SRSF2: variants seen among roughly 807,000 people sequenced by gnomAD.
SRSF2 encodes the protein serine and arginine rich splicing factor 2, also known as serine/arginine-rich splicing factor 2.
A neutral mutation model predicts 15.7 loss-of-function variants in SRSF2; 4 were observed. The ratio of observed to expected loss-of-function variants is 0.26; its 90% CI spans 0.13 to 0.58. The LOEUF (loss-of-function observed/expected upper bound fraction) is 0.58, where lower values mean the gene tolerates loss of function less well. Among genes scored for constraint, SRSF2 ranks in the 20% least tolerant of loss-of-function variants. The pLI is 0.90. For missense variants in SRSF2, 147 were observed against 332.4 expected (o/e 0.44, Z 4.34); for synonymous variants, 192 against 138.9 (o/e 1.38, Z -2.69).
At chr17:76,736,572 TC>T in intron 1 of SRSF2, 108 bp from the exon 2 acceptor site, 1 of 1,323,114 alleles carries the variant, frequency 7.6e-7, no homozygotes, top group Non-Finnish European at 1.0e-6. Context: ...AGACGCCATT[TC>T]CCCAGTCGCG....
rs746200268 is a variant in SRSF2, at chr17:76,736,172, C to A, written c.655G>T (p.Val219Leu). 1 of 1,607,102 alleles carries A rather than the reference C, an allele frequency of 6.2e-7. No individual in the cohort carries two copies. The highest frequency in any genetic ancestry group is 1.3e-5 in the African/African-American group (1 of 74,656). Residue 219 changes from valine (V) to leucine (L), a missense_variant, in exon 2 of 3, where the codon GTG (valine) becomes TTG (leucine). Transcript: ENST00000359995. ...ACATTACCATTTTCTTAAGAGGACA[C>A]CGCTCCTTCCTCTTCAGGAGACTTG... The part of the protein sequence containing the change: ...PPKSPEEEGA[V>L]SS
In SRSF2 at chr17:76,736,347, G is replaced by C. The variant is rs369705230; in HGVS notation, c.480C>G (p.Thr160=). 1.2e-6 allele frequency: 2 copies of C among 1,614,134 alleles called. No individual in the cohort carries two copies. Among genetic ancestry groups the C allele is most frequent in the East Asian group, 2.2e-5 (1 of 44,880 alleles). Residue 160 remains threonine, a synonymous_variant, in exon 2 of 3, where the codon ACC becomes ACG. Coordinates refer to ENST00000359995, the MANE Select transcript of SRSF2 (RefSeq NM_001195427.2). The part of the protein sequence containing the change: ...RSRTRSRSRS[T]SKSRSARRSK... ...ACCTTCGTGCGGATCTGGACTTGGA[G>C]GTCGACCGAGATCGAGAACGAGTGC...
In SRSF2 at chr17:76,736,972, G is replaced by C. The variant is rs1176463751; in HGVS notation, c.189C>G (p.His63Gln). Reference protein sequence around the residue: ...ESRGFAFVRFHDKRDAEDAMD... With the variant: ...ESRGFAFVRFQDKRDAEDAMD... ...TAGCGTCCTCAGCGTCGCGCTTGTC[G>C]TGAAAGCGAACGAAGGCGAAGCCGC... The change falls in exon 1 of 3, where the codon CAC becomes CAG. Residue 63 changes from histidine to glutamine, a missense_variant. This residue lies in a region of SRSF2 where 22 missense variants were observed against 147.3 expected (regional missense o/e 0.15). Transcript: ENST00000359995. 1 of 1,613,424 alleles carries C rather than the reference G, an allele frequency of 6.2e-7. No individual in the cohort carries two copies. The highest frequency in any genetic ancestry group is 1.3e-5 in the African/African-American group (1 of 74,924).
At chr17:76,736,692 G>C in intron 1 of SRSF2, 107 bp downstream of exon 1, 2 of 1,289,726 alleles carry the variant, frequency 1.6e-6, no homozygotes, top group Non-Finnish European at 2.0e-6. Flanking sequence ...GTGCACCCCC[G>C]CCCCGTCCGG....
At chr17:76,735,303 A>G in intron 2 of SRSF2, 145 bp from the exon 3 acceptor site, 1 of 216,174 alleles carries the variant, frequency 4.6e-6, no homozygotes, top group Non-Finnish European at 9.4e-6. Flanking sequence ...AGGCCCAATT[A>G]GGAAAATTTC....
chr17:76,737,227 G>A lies in SRSF2; in HGVS notation c.-67C>T, dbSNP rs747137211. ...CTTCCTCAGCTCTGGGCGGTGCGAC[G>A]CCGCGCCTCTCAGGCAGTTGCCTTC... On this transcript the variant is annotated 5_prime_UTR_variant, in exon 1 of 3. Transcript: ENST00000359995. 3.4e-5 allele frequency: 50 copies of A among 1,465,940 alleles called. 1 individual carries two copies. The African/African-American group carries it at 5.7e-4, about 17-fold the overall frequency. The allele number at this position is 1,465,940 out of a possible 1,614,324, so 90.8% of individuals were successfully genotyped here. A position where few individuals can be genotyped will look rare whatever the true frequency, so the allele number is the denominator to read the frequency against.
At chr17:76,736,693 CCCCGTCCGGG>C in intron 1 of SRSF2, 96 bp downstream of exon 1, 1 of 1,294,672 alleles carries the variant, frequency 7.7e-7, no homozygotes, top group Non-Finnish European at 9.9e-7. Context: ...TGCACCCCCG[CCCCGTCCGGG>C]CCCGCACCAC....
At chr17:76,736,599 C>G in intron 1 of SRSF2, 135 bp from the exon 2 acceptor site, 1 of 1,187,270 alleles carries the variant, frequency 8.4e-7, no homozygotes, top group South Asian at 1.7e-5. Flanking sequence ...GGGTCCTCCG[C>G]CCCGCGCCGC....
chr17:76,735,826 T>C, intron 2 of SRSF2: 1 of 493,192 alleles, frequency 2.0e-6, no homozygotes, highest in Non-Finnish European at 3.8e-6. Context: ...CCAAATCAGT[T>C]AAAATCTGCA....
Position 76,734,764 on chromosome 17 carries a change from G to A in SRSF2, c.*402C>T, listed in dbSNP as rs1311784492. The A allele has an allele frequency of 1.3e-5, 3 of 237,630 alleles. No homozygotes were observed. The highest frequency in any genetic ancestry group is 5.7e-5 in the Admixed American group (1 of 17,402). 14.7% of individuals were successfully genotyped at this position (237,630 alleles called of 1,614,324 possible). A position where few individuals can be genotyped will look rare whatever the true frequency, so the allele number is the denominator to read the frequency against. On this transcript the variant is annotated 3_prime_UTR_variant, in exon 3 of 3. Coordinates refer to ENST00000359995, the MANE Select transcript of SRSF2 (RefSeq NM_001195427.2). ...TTTTAAGGAATGAAGGCAATGCTGAGTCAATCTCTTGACAGCTTTAGGCTG... is the reference window on the plus strand; with the variant it reads ...TTTTAAGGAATGAAGGCAATGCTGAATCAATCTCTTGACAGCTTTAGGCTG...
rs2077564269 is a variant in SRSF2 at position 76,737,318 on chromosome 17, C to T, written c.-158G>A. The T allele has an allele frequency of 1.3e-5, 14 of 1,065,350 alleles. No homozygotes were observed. The highest frequency in any genetic ancestry group is 6.3e-4 in the Middle Eastern group (2 of 3,160). The allele number at this position is 1,065,350 out of a possible 1,614,324, so 66.0% of individuals were successfully genotyped here. On this transcript the variant is annotated 5_prime_UTR_variant, in exon 1 of 3. The change creates a new upstream start codon in the 5' untranslated region. Transcript: ENST00000359995. ...CGGACGGGCTCCGCAGGCTAGCGCA[C>T]CTGAGTAACAACTGGGCGGGCAGCC... is the stretch of plus-strand genomic sequence containing the variant.
In SRSF2 at chr17:76,734,976, G is replaced by C. The variant is rs1650979150; in HGVS notation, c.*190C>G. 4.4e-6 allele frequency: 1 copy of C among 224,828 alleles called. No individual in the cohort carries two copies. The highest frequency in any genetic ancestry group is 5.7e-5 in the Admixed American group (1 of 17,442). The allele number at this position is 224,828 out of a possible 1,614,324, so 13.9% of individuals were successfully genotyped here. Reference sequence around the variant, plus strand: ...TAAATTACAAGAAATTTGAATAACAGCAACAAAATGGCACATAAAATGAAG... The same window carrying C: ...TAAATTACAAGAAATTTGAATAACACCAACAAAATGGCACATAAAATGAAG... On this transcript the variant is annotated 3_prime_UTR_variant, in exon 3 of 3. Coordinates refer to ENST00000359995, the MANE Select transcript of SRSF2 (RefSeq NM_001195427.2).
chr17:76,735,232 T>TA (rs1450417802), intron 2 of SRSF2, 74 bp from the exon 3 acceptor site: 1 of 218,182 alleles, frequency 4.6e-6, no homozygotes, highest in Non-Finnish European at 9.2e-6. Context: ...GGCACGTACT[T>TA]ACTAAGGCTC....
chr17:76,736,828 C>T lies in SRSF2; in HGVS notation c.333G>A (p.Gly111=). The change falls in exon 1 of 3, where the codon GGG becomes GGA. Residue 111 remains glycine, a synonymous_variant. Coordinates refer to ENST00000359995, the MANE Select transcript of SRSF2 (RefSeq NM_001195427.2). ...GGCTCCGGCGTCCGTAGCCACCGCC[C>T]CCGTACCTGCGGGGTGGCGGTCCCC... is the stretch of plus-strand genomic sequence containing the variant. The part of the protein sequence containing the change: ...SRRGPPPRRY[G]GGGYGRRSRS... 1.0e-5 allele frequency: 16 copies of T among 1,600,374 alleles called. No homozygotes were observed. Among genetic ancestry groups the T allele is most frequent in the Non-Finnish European group, 1.4e-5 (16 of 1,174,426 alleles).
chr17:76,736,665 G>C (rs1316282054), intron 1 of SRSF2, 134 bp downstream of exon 1: 3 of 1,212,598 alleles, frequency 2.5e-6, no homozygotes, highest in Non-Finnish European at 3.2e-6. Context: ...GGTGGCCGGA[G>C]GGTCGCGAGA....
intron 1 of SRSF2, 134 bp downstream of exon 1, chr17:76,736,665 G>T: frequency 6.6e-6 from 8 of 1,212,708 alleles, no homozygotes; most frequent in Non-Finnish European, 8.5e-6. Flanking sequence ...GGTGGCCGGA[G>T]GGTCGCGAGA....
chr17:76,735,207 A>G (rs1050494531), intron 2 of SRSF2, 49 bp from the exon 3 acceptor site: 3 of 219,198 alleles, frequency 1.4e-5, no homozygotes, highest in African/African-American at 6.7e-5. Context: ...TAAAGTGCAC[A>G]TGGTTTCAGT....
At chr17:76,736,749 C>T (rs2077519547) in intron 1 of SRSF2, 50 bp downstream of exon 1, 16 of 1,394,100 alleles carry the variant, frequency 1.1e-5, no homozygotes, top group African/African-American at 3.1e-5. Context: ...GTCGCCCGGG[C>T]CTCCCGCGCG....
chr17:76,736,818 A>T lies in SRSF2; in HGVS notation c.343T>A (p.Tyr115Asn). The T allele has an allele frequency of 6.3e-7, 1 of 1,589,214 alleles. No homozygotes were observed. Among genetic ancestry groups the T allele is most frequent in the South Asian group, 1.1e-5 (1 of 89,740 alleles). Residue 115 changes from tyrosine to asparagine, a missense_variant, in exon 1 of 3, where the codon TAC (tyrosine) becomes AAC (asparagine). By Grantham distance (143) the Tyr-to-Asn change is moderately radical. Transcript: ENST00000359995. The stretch of plus-strand genomic sequence containing the variant: ...GTTTACCTGCGGCTCCGGCGTCCGT[A>T]GCCACCGCCCCCGTACCTGCGGGGT... ...PPPRRYGGGG[Y>N]GRRSRSPRRR...
Sources: allele counts gnomAD v4.1 joint callset, GRCh38; gene constraint gnomAD v4.1.1; regional missense constraint gnomAD v4.1.1; transcripts MANE v1.5; gene names NCBI Gene and HGNC (gene_info 2026-07-23, HGNC 2026-07-21).